Variants in CEP350 observed in about 807,000 individuals in gnomAD.
CEP350 encodes the protein centrosomal protein 350, also known as centrosome-associated protein 350.
In CEP350, 126 loss-of-function variants were observed where a neutral mutation model predicts 331.8. The ratio of observed to expected loss-of-function variants is 0.38; its 90% CI spans 0.33 to 0.44. CEP350 has a LOEUF of 0.44. Ranked by LOEUF, CEP350 falls within the 20% of genes least tolerant of loss-of-function variation. The probability of loss-of-function intolerance (pLI) is 1.00; values close to 1 mark genes in which losing one functional copy is unlikely to be tolerated. For missense variants in CEP350, 3,406 were observed against 3,634.6 expected (o/e 0.94, Z 1.62); for synonymous variants, 1,200 against 1,259.5 (o/e 0.95, Z 1.00).
intron 27 of CEP350, among the ~76,000 whole-genome samples, chr1:180,068,228 G>A (rs1658662875): frequency 6.6e-6 from 1 of 152,036 alleles, no homozygotes; most frequent in South Asian, 2.1e-4. Context: ...ATTTTACTGA[G>A]ACAGTAATGC....
intron 37 of CEP350, among the ~76,000 whole-genome samples, chr1:180,103,175 T>C (rs1207796276): frequency 6.6e-6 from 1 of 152,232 alleles, no homozygotes; most frequent in African/African-American, 2.4e-5. Flanking sequence ...CCTAATCTTA[T>C]TATGCAAATA....
intron 37 of CEP350, among the ~76,000 whole-genome samples, chr1:180,099,961 T>C (rs930247317): frequency 1.3e-5 from 2 of 152,100 alleles, no homozygotes; most frequent in African/African-American, 2.4e-5. Flanking sequence ...AATTTTTGTA[T>C]TTTTAGTAGA....
chr1:179,975,901 A>C lies in CEP350; in HGVS notation c.-13-10268A>C, dbSNP rs995523282. Among the ~76,000 whole-genome samples the C allele has an allele frequency of 2.6e-5, 4 of 152,208 alleles. No homozygotes were observed. The East Asian group carries it at 5.8e-4, about 22-fold the overall frequency. ...GCCTGGGTAGAAGGAGCTAGAGAACAAGAGGCCCAGGAAAAAGCCTTGGAA... is the reference window on the plus strand; with the variant it reads ...GCCTGGGTAGAAGGAGCTAGAGAACCAGAGGCCCAGGAAAAAGCCTTGGAA... On this transcript the variant is annotated intron_variant, in intron 1 of 37. Transcript: ENST00000367607.
intron 1 of CEP350, chr1:179,969,539 C>A: frequency 2.7e-6 from 1 of 374,424 alleles, no homozygotes. Flanking sequence ...TCTTAAGCAA[C>A]ATGGAAACAG....
intron 7 of CEP350, among the ~76,000 whole-genome samples, chr1:180,004,296 A>G (rs1403768390): frequency 1.3e-5 from 2 of 152,220 alleles, no homozygotes; most frequent in African/African-American, 4.8e-5. Context: ...TTGTTACGGT[A>G]GATGAACTAT....
At chr1:180,085,206 CTA>C (rs1190755629) in intron 31 of CEP350, among the ~76,000 whole-genome samples, 2 of 151,602 alleles carry the variant, frequency 1.3e-5, no homozygotes, top group East Asian at 3.9e-4. Context: ...CTTCTTTGTG[CTA>C]TTTGAATAGC....
intron 12 of CEP350, among the ~76,000 whole-genome samples, chr1:180,021,483 A>G (rs1458727891): frequency 6.6e-6 from 1 of 152,044 alleles, no homozygotes; most frequent in African/African-American, 2.4e-5. Context: ...GTGAAACCCC[A>G]CCATTACTAA....
chr1:179,976,062 G>GT (rs1651840641), intron 1 of CEP350, among the ~76,000 whole-genome samples: 1 of 152,126 alleles, frequency 6.6e-6, no homozygotes, highest in Non-Finnish European at 1.5e-5. Context: ...AGAGTTTTAA[G>GT]GTGAAAGTTT....
rs1465620087 is a variant in CEP350, at chr1:180,014,091, A to G, written c.1638A>G (p.Gln546=). Residue 546 remains glutamine, a synonymous_variant, in exon 10 of 38, where the codon CAA becomes CAG. Transcript: ENST00000367607. ...ATTCTACAGCTCACACTGCAAAGCA[A>G]GATACTGTAGAGTTACAGAACCAGA... The part of the protein sequence containing the change: ...QLDSTAHTAK[Q]DTVELQNQKS... The G allele has an allele frequency of 1.2e-6, 2 of 1,611,504 alleles. No homozygotes were observed. Among genetic ancestry groups the G allele is most frequent in the Admixed American group, 1.7e-5 (1 of 59,534 alleles).
At chr1:179,975,624 A>G (rs145244802) in intron 1 of CEP350, among the ~76,000 whole-genome samples, 76 of 152,312 alleles carry the variant, frequency 5.0e-4, no homozygotes, top group African/African-American at 1.4e-3. Flanking sequence ...TAAGTATATG[A>G]TGGAACGTGG....
At chr1:180,109,527 G>A (rs901740638) in intron 37 of CEP350, among the ~76,000 whole-genome samples, 27 of 152,142 alleles carry the variant, frequency 1.8e-4, no homozygotes, top group Admixed American at 1.4e-3. Context: ...CCCTGTCACT[G>A]CAATTAACTT....
chr1:179,994,637 A>T (rs1229256487), intron 5 of CEP350, among the ~76,000 whole-genome samples: 3 of 151,430 alleles, frequency 2.0e-5, no homozygotes, highest in African/African-American at 7.3e-5. Flanking sequence ...TATTTTTTGT[A>T]GAGACAGGTT....
chr1:180,014,563 C>T (rs1416878662), intron 10 of CEP350, 58 bp downstream of exon 10: 5 of 1,454,068 alleles, frequency 3.4e-6, no homozygotes, highest in Non-Finnish European at 4.6e-6. Context: ...TGCTTATTTG[C>T]TATACTATTT....
intron 32 of CEP350, among the ~76,000 whole-genome samples, chr1:180,088,686 C>G (rs1571982261): frequency 6.6e-6 from 1 of 152,194 alleles, no homozygotes; most frequent in African/African-American, 2.4e-5. Context: ...GGCTCCAGTT[C>G]TAGCTGGTTC....
chr1:180,024,376 A>C, intron 13 of CEP350, 43 bp from the exon 14 acceptor site: 1 of 1,549,026 alleles, frequency 6.5e-7, no homozygotes, highest in Non-Finnish European at 8.8e-7. Context: ...GCTGTGTTGT[A>C]AGACTTTTCT....
chr1:180,099,021 C>G (rs939464083), intron 37 of CEP350, 36 bp downstream of exon 37: 1 of 1,585,018 alleles, frequency 6.3e-7, no homozygotes. Context: ...TTATTTTGAC[C>G]ATATCTTTTA....
At chr1:180,067,899 T>G (rs944004940) in intron 27 of CEP350, among the ~76,000 whole-genome samples, 3 of 152,246 alleles carry the variant, frequency 2.0e-5, no homozygotes, top group Non-Finnish European at 2.9e-5. Flanking sequence ...GGAAGTCAGT[T>G]AATTTCATAG....
intron 1 of CEP350, among the ~76,000 whole-genome samples, chr1:179,960,178 ACACCCACC>A (rs1313031255): frequency 6.8e-6 from 1 of 147,870 alleles, no homozygotes; most frequent in Non-Finnish European, 1.5e-5. Context: ...AGACACACAC[ACACCCACC>A]CACCCACCCA....
intron 6 of CEP350, 139 bp downstream of exon 6, chr1:179,997,314 G>C: frequency 1.1e-6 from 1 of 938,832 alleles, no homozygotes; most frequent in East Asian, 2.5e-5. Context: ...GGCCGAGGTG[G>C]GCGGATCATG....
Sources: allele counts gnomAD v4.1 joint callset (sites outside exome capture counted in the v4.1 genomes callset), GRCh38; gene constraint gnomAD v4.1.1; transcripts MANE v1.5; gene names NCBI Gene and HGNC (gene_info 2026-07-23, HGNC 2026-07-21).